Variants in LSP1 observed in about 807,000 individuals in gnomAD.
LSP1 encodes lymphocyte-specific protein 1.
Under a neutral mutation model 49.3 loss-of-function variants are expected in LSP1, and 32 were observed. The observed-to-expected ratio is 0.65, with a 90% CI of 0.49 to 0.87. The LOEUF is 0.87. Among genes scored for constraint, LSP1 ranks in the 40% least tolerant of loss-of-function variants. LSP1 has a pLI of 0.00. For synonymous variants in LSP1, 179 were observed against 178.8 expected (o/e 1.00, Z -0.01); for missense variants, 428 against 442.6 (o/e 0.97, Z 0.30).
At chr11:1,866,751 G>T in intron 1 of LSP1, 1 of 1,550,536 alleles carries the variant, frequency 6.4e-7, no homozygotes, top group Non-Finnish European at 8.7e-7. Flanking sequence ...AATCCCCCAG[G>T]CTCACCAGTG....
intron 4 of LSP1, 129 bp from the exon 5 acceptor site, chr11:1,883,803 C>G (rs1848646776): frequency 4.1e-6 from 4 of 972,462 alleles, no homozygotes; most frequent in Non-Finnish European, 6.2e-6. Context: ...AGCTCCAGAA[C>G]TGGAGCACGT....
chr11:1,889,697 C>T (rs1289680440), intron 10 of LSP1: 1 of 639,638 alleles, frequency 1.6e-6, no homozygotes, highest in Middle Eastern at 2.5e-4. Flanking sequence ...CCATCGGGGG[C>T]TCCTCCAGGT....
At chr11:1,870,511 C>G (rs962061963) in intron 1 of LSP1, 1 of 1,191,210 alleles carries the variant, frequency 8.4e-7, no homozygotes, top group Non-Finnish European at 1.1e-6. Context: ...CAGAGCTCCA[C>G]AGGCAGACAT....
rs1181516041 is a variant in LSP1, at chr11:1,873,946, G to C, written c.54-6141G>C. On this transcript the variant is annotated intron_variant, in intron 1 of 10. Transcript: ENST00000311604. ...GGAGGGAGGCCGGCAGAGGAGGGAG[G>C]CCGGCAGAGCAGGGAGCCCGGCGGA... is the stretch of plus-strand genomic sequence containing the variant. 1.4e-3 allele frequency among the ~76,000 whole-genome samples: 181 copies of C among 127,808 alleles called. 1 individual carries two copies. Among genetic ancestry groups the C allele is most frequent in the African/African-American group, 5.4e-3 (163 of 29,978 alleles). The allele number at this position is 127,808 out of a possible 152,430, so 83.8% of individuals were successfully genotyped here.
At chr11:1,866,807 G>A (rs1308215490) in intron 1 of LSP1, 1 of 1,550,140 alleles carries the variant, frequency 6.5e-7, no homozygotes, top group African/African-American at 1.4e-5. Context: ...GCCCCCGGAG[G>A]AGGGGCAGAG....
chr11:1,887,076 C>T (rs1848785541), intron 8 of LSP1, among the ~76,000 whole-genome samples, 161 bp from the exon 9 acceptor site: 1 of 152,196 alleles, frequency 6.6e-6, no homozygotes, highest in Non-Finnish European at 1.5e-5. Flanking sequence ...ACCTTTATTC[C>T]TTTCCCTGCC....
intron 10 of LSP1, chr11:1,889,845 A>G: frequency 4.7e-6 from 3 of 634,412 alleles, no homozygotes; most frequent in Non-Finnish European, 8.6e-6. Flanking sequence ...CGGCCGTGGT[A>G]CAGGGGGCTC....
At chr11:1,889,406 G>A (rs774817716) in intron 10 of LSP1, 25 of 683,964 alleles carry the variant, frequency 3.7e-5, no homozygotes, top group South Asian at 1.9e-4. Flanking sequence ...TCCGGGAGGC[G>A]GGGGCCCGGG....
At chr11:1,874,965 A>C (rs1848246204) in intron 1 of LSP1, among the ~76,000 whole-genome samples, 1 of 152,160 alleles carries the variant, frequency 6.6e-6, no homozygotes, top group Non-Finnish European at 1.5e-5. Flanking sequence ...GGGCCCAGAG[A>C]GGGGCAGCTG....
chr11:1,878,564 G>C (rs1444194176), intron 1 of LSP1, among the ~76,000 whole-genome samples: 3 of 152,100 alleles, frequency 2.0e-5, no homozygotes, highest in African/African-American at 4.8e-5. Flanking sequence ...CCTTGAACTC[G>C]GGCCTGTGGA....
Position 1,870,334 on chromosome 11 carries a change from CCCGGGGACATACA to C in LSP1, c.54-9745_54-9733del, listed in dbSNP as rs553102378. ...GGCTTGGCAGGGGGTGCCCGCAGCA[CCCGGGGACATACA>C]CCGGGGAGTCTCCTGGGAAAGAAGT... On this transcript the variant is annotated intron_variant, in intron 1 of 10. Coordinates refer to ENST00000311604, the MANE Select transcript of LSP1 (RefSeq NM_002339.3). 2.9e-5 allele frequency: 38 copies of C among 1,288,926 alleles called. No individual in the cohort carries two copies. The East Asian group carries it at 2.0e-3, about 69-fold the overall frequency. The allele number at this position is 1,288,926 out of a possible 1,614,324, so 79.8% of individuals were successfully genotyped here.
intron 1 of LSP1, among the ~76,000 whole-genome samples, chr11:1,873,949 G>A (rs1227886249): frequency 1.3e-3 from 166 of 130,946 alleles, no homozygotes; most frequent in African/African-American, 5.2e-3. Flanking sequence ...GAGGGAGGCC[G>A]GCAGAGCAGG....
At chr11:1,853,246 C>A in intron 1 of LSP1, 49 bp downstream of exon 1, 1 of 1,581,504 alleles carries the variant, frequency 6.3e-7, no homozygotes, top group South Asian at 1.1e-5. Flanking sequence ...TCCACGGGTG[C>A]ATAGTCCTTG....
intron 2 of LSP1, among the ~76,000 whole-genome samples, 166 bp downstream of exon 2, chr11:1,880,390 C>T (rs1395716218): frequency 6.6e-6 from 1 of 151,998 alleles, no homozygotes; most frequent in Non-Finnish European, 1.5e-5. Flanking sequence ...GCTCCTGGGG[C>T]GAGGGTGGCC....
chr11:1,861,019 C>A (rs180975073), intron 1 of LSP1, among the ~76,000 whole-genome samples: 1 of 152,116 alleles, frequency 6.6e-6, no homozygotes, highest in Non-Finnish European at 1.5e-5. Flanking sequence ...GATAATGAAT[C>A]AATAGACAAT....
rs1848640559 is a variant in LSP1, at chr11:1,883,636, CTG to C, written c.498+79_498+80del. On this transcript the variant is annotated intron_variant, in intron 4 of 10. Transcript: ENST00000311604. ...GTCTGCCTTGGCTGTCTGCACCACT[CTG>C]TGGGCCCTGTGGGTCTAGCCCAGAG... The C allele has an allele frequency of 4.0e-6, 6 of 1,502,014 alleles. No individual in the cohort carries two copies. The Admixed American group carries it at 1.0e-4, about 26-fold the overall frequency. The allele number at this position is 1,502,014 out of a possible 1,614,324, so 93.0% of individuals were successfully genotyped here.
intron 1 of LSP1, among the ~76,000 whole-genome samples, chr11:1,875,232 G>A (rs1484285158): frequency 6.6e-6 from 1 of 152,212 alleles, no homozygotes; most frequent in African/African-American, 2.4e-5. Flanking sequence ...TGTCTTCCCA[G>A]GGTTGTGAGG....
At position 1,884,692 on chromosome 11, in the gene LSP1, C is replaced by T. The variant is rs1750193365; in HGVS notation, c.717+111C>T. ...AGTGCCGCCTTATTCAACCAACACC[C>T]TATCCAACCAATGCTTCTCCATCCA... On this transcript the variant is annotated intron_variant, in intron 7 of 10. Transcript: ENST00000311604. The surrounding 1 kb of genome is among the most constrained non-coding windows in gnomAD (Gnocchi z 4.1). 1.2e-6 allele frequency: 1 copy of T among 842,772 alleles called. No homozygotes were observed. Among genetic ancestry groups the T allele is most frequent in the African/African-American group, 1.7e-5 (1 of 59,814 alleles). The allele number at this position is 842,772 out of a possible 1,614,324, so 52.2% of individuals were successfully genotyped here.
intron 2 of LSP1, chr11:1,880,573 C>T (rs1192992000): frequency 5.5e-5 from 13 of 236,432 alleles, no homozygotes; most frequent in South Asian, 4.0e-4. Flanking sequence ...TCCAACTTGG[C>T]GGCCAGGCTG....
Sources: gnomAD v4.1 joint callset for allele counts (sites outside exome capture counted in the v4.1 genomes callset) on GRCh38, gnomAD v4.1.1 for gene constraint, Gnocchi (gnomAD v3.1) non-coding constraint, MANE v1.5 for transcripts, NCBI Gene and HGNC (gene_info 2026-07-23, HGNC 2026-07-21) for gene names.